CFAP44: variants seen among roughly 807,000 people sequenced by gnomAD.
CFAP44 encodes cilia- and flagella-associated protein 44.
In CFAP44, 134 loss-of-function variants were observed where a neutral mutation model predicts 216.2. The ratio of observed to expected loss-of-function variants is 0.62; its 90% CI spans 0.54 to 0.72. The LOEUF (loss-of-function observed/expected upper bound fraction) is 0.72. Among genes scored for constraint, CFAP44 ranks in the 30% least tolerant of loss-of-function variants. CFAP44 has a pLI of 0.00. For synonymous variants in CFAP44, 700 were observed against 727.6 expected, an observed-to-expected ratio of 0.96 and a Z score of 0.61; for missense variants, 2,035 against 2,182.1, an observed-to-expected ratio of 0.93 and a Z score of 1.34.
At chr3:113,325,004 T>TA (rs907853136) in intron 28 of CFAP44, among the ~76,000 whole-genome samples, 3 of 152,076 alleles carry the variant, frequency 2.0e-5, no homozygotes, top group Non-Finnish European at 4.4e-5. Context: ...CAGTATCATT[T>TA]AAAATCACTA....
Position 113,326,528 on chromosome 3 carries a change from T to C in CFAP44, c.4433A>G (p.Asn1478Ser). ...CATGAGGAAGTTTGCAAATTTATTG[T>C]TTTCTCCAATGGCTGCTTGAAAACC... is the stretch of plus-strand genomic sequence containing the variant. Reference protein sequence around the residue: ...YAGFQAAIGENNKFANFLMKV... With the variant: ...YAGFQAAIGESNKFANFLMKV... The change falls in exon 28 of 35, where the codon AAC (asparagine) becomes AGC (serine). Residue 1478 changes from asparagine (N) to serine (S), a missense_variant. Physicochemically the swap from Asn to Ser is conservative, Grantham distance 46. Around this residue, in one of 3 missense-constraint regions of CFAP44, gnomAD observed 1,883 missense variants for 2,023.7 expected, o/e 0.93. Transcript: ENST00000393845. 3 of 1,532,498 alleles carry C rather than the reference T, an allele frequency of 2.0e-6. No homozygotes were observed. Among genetic ancestry groups the C allele is most frequent in the Non-Finnish European group, 2.6e-6 (3 of 1,145,046 alleles). 94.9% of individuals were successfully genotyped at this position (1,532,498 alleles called of 1,614,324 possible). A position where few individuals can be genotyped will look rare whatever the true frequency, so the allele number is the denominator to read the frequency against.
chr3:113,339,878 G>C lies in CFAP44; in HGVS notation c.3437+1866C>G, dbSNP rs1197064818. Reference sequence around the variant, plus strand: ...AGGAAAAAAAGAAAAACAGTTTAGGGGGCAAAAAGAGGAGAGAGTCTGGGG... The same window carrying C: ...AGGAAAAAAAGAAAAACAGTTTAGGCGGCAAAAAGAGGAGAGAGTCTGGGG... On this transcript the variant is annotated intron_variant, in intron 24 of 34. Transcript: ENST00000393845. Among the ~76,000 whole-genome samples, 3 of 152,150 alleles carry C rather than the reference G, an allele frequency of 2.0e-5. No homozygotes were observed. The South Asian group carries it at 6.2e-4, about 32-fold the overall frequency.
At chr3:113,380,026 T>G (rs978365574) in intron 16 of CFAP44, among the ~76,000 whole-genome samples, 1 of 152,184 alleles carries the variant, frequency 6.6e-6, no homozygotes, top group South Asian at 2.1e-4. Flanking sequence ...TCCTAACTTA[T>G]TTTTTTAAAT....
chr3:113,411,940 GTC>G (rs1934488506), intron 6 of CFAP44, among the ~76,000 whole-genome samples: 1 of 150,730 alleles, frequency 6.6e-6, no homozygotes, highest in Non-Finnish European at 1.5e-5. Flanking sequence ...TTGGCTCTCT[GTC>G]TGTTATTGGT....
intron 3 of CFAP44, 82 bp downstream of exon 3, chr3:113,427,105 T>C: frequency 4.2e-6 from 6 of 1,435,770 alleles, no homozygotes; most frequent in Non-Finnish European, 5.8e-6. Context: ...TTTTTCTTTC[T>C]ATGGATTTAT....
rs1427307799 is a variant in CFAP44 at position 113,290,850 on chromosome 3, A to G, written c.*707T>C. ...GGAGTTGCAGAAATCTTTAAAGAAA[A>G]GCCTCTTTATTGACTGTTTTATTAA... On this transcript the variant is annotated 3_prime_UTR_variant, in exon 35 of 35. Transcript: ENST00000393845. 1 of 152,212 alleles carries G rather than the reference A, an allele frequency of 6.6e-6. No individual in the cohort carries two copies. 9.4% of individuals were successfully genotyped at this position (152,212 alleles called of 1,614,324 possible). A position where few individuals can be genotyped will look rare whatever the true frequency, so the allele number is the denominator to read the frequency against.
At chr3:113,331,468 C>G (rs1950240795) in intron 25 of CFAP44, among the ~76,000 whole-genome samples, 1 of 151,836 alleles carries the variant, frequency 6.6e-6, no homozygotes, top group Non-Finnish European at 1.5e-5. Context: ...TTTTAAAGAT[C>G]AAAAGTCACT....
intron 17 of CFAP44, among the ~76,000 whole-genome samples, chr3:113,378,117 C>G (rs1933402805): frequency 6.6e-6 from 1 of 152,132 alleles, no homozygotes; most frequent in African/African-American, 2.4e-5. Flanking sequence ...CTCAAGCAAT[C>G]TTCCCAATCT....
In CFAP44 at chr3:113,311,680, C is replaced by T. The variant is rs568721089; in HGVS notation, c.4517-3412G>A. On this transcript the variant is annotated intron_variant, in intron 28 of 34. Coordinates refer to ENST00000393845, the MANE Select transcript of CFAP44 (RefSeq NM_001164496.2). ...GAACAGATATCCAAAAATATGGAAGCGACTTTGGAACTGGGTAACAGGCAG... is the reference window on the plus strand; with the variant it reads ...GAACAGATATCCAAAAATATGGAAGTGACTTTGGAACTGGGTAACAGGCAG... 1.1e-4 allele frequency among the ~76,000 whole-genome samples: 16 copies of T among 152,176 alleles called. 1 individual carries two copies. The highest frequency in any genetic ancestry group is 3.6e-4 in the African/African-American group (15 of 41,482).
At chr3:113,346,462 T>C (rs1003692481) in intron 22 of CFAP44, among the ~76,000 whole-genome samples, 6 of 151,458 alleles carry the variant, frequency 4.0e-5, no homozygotes, top group African/African-American at 1.2e-4. Flanking sequence ...AGCTAAAGGA[T>C]TGTAAGCACA....
In CFAP44 at chr3:113,409,192, T is replaced by C. The variant is rs148954914; in HGVS notation, c.804A>G (p.Thr268=). ...NWKEEQPILR[T]KAFSQEVFKV... ...TAAAAACTTCCTGAGAAAAAGCTTT[T>C]GTCCTTAGTATGGGTTGTTCTTCTT... The change falls in exon 7 of 35, where the codon ACA becomes ACG. Residue 268 remains threonine, a synonymous_variant. Coordinates refer to ENST00000393845, the MANE Select transcript of CFAP44 (RefSeq NM_001164496.2). 1 of 1,614,120 alleles carries C rather than the reference T, an allele frequency of 6.2e-7. No individual in the cohort carries two copies. Among genetic ancestry groups the C allele is most frequent in the African/African-American group, 1.3e-5 (1 of 75,026 alleles).
chr3:113,419,614 T>C (rs1934753557), intron 5 of CFAP44, among the ~76,000 whole-genome samples: 1 of 152,312 alleles, frequency 6.6e-6, no homozygotes, highest in Admixed American at 6.5e-5. Context: ...CTACATCCTA[T>C]GTGTGTGTCT....
chr3:113,419,014 T>C (rs1167387595), intron 5 of CFAP44, among the ~76,000 whole-genome samples: 2 of 152,208 alleles, frequency 1.3e-5, no homozygotes, highest in Non-Finnish European at 2.9e-5. Flanking sequence ...AGGATTAGCA[T>C]GCTTGACCAC....
chr3:113,299,550 T>G (rs1018784602), intron 32 of CFAP44, among the ~76,000 whole-genome samples: 48 of 152,088 alleles, frequency 3.2e-4, no homozygotes, highest in Non-Finnish European at 1.5e-5. Context: ...GATCCAGCAA[T>G]CGCACTGCTA....
At chr3:113,296,450 T>C (rs1018075403) in intron 33 of CFAP44, among the ~76,000 whole-genome samples, 1 of 152,144 alleles carries the variant, frequency 6.6e-6, no homozygotes, top group African/African-American at 2.4e-5. Flanking sequence ...CAAAATGAGA[T>C]CTCTCCATAA....
chr3:113,348,781 T>A (rs904707405), intron 22 of CFAP44, among the ~76,000 whole-genome samples: 1 of 152,152 alleles, frequency 6.6e-6, no homozygotes, highest in Non-Finnish European at 1.5e-5. Context: ...TTAAAGCAGA[T>A]CAAGGCAGAC....
chr3:113,409,789 T>C (rs6780720), intron 6 of CFAP44, among the ~76,000 whole-genome samples: 5,632 of 152,320 alleles, frequency 0.037, 168 homozygotes, highest in African/African-American at 0.071. Flanking sequence ...GTGGTAAATA[T>C]GCTGGCCAAA....
intron 21 of CFAP44, 54 bp downstream of exon 21, chr3:113,363,091 T>G: frequency 6.8e-7 from 1 of 1,476,324 alleles, no homozygotes; most frequent in Non-Finnish European, 9.0e-7. Context: ...AATAGTCATC[T>G]CTATCCAGAA....
Position 113,291,671 on chromosome 3 carries a change from C to T in CFAP44, c.5451G>A (p.Ala1817=), listed in dbSNP as rs377654876. The T allele has an allele frequency of 1.5e-4, 231 of 1,537,272 alleles. No homozygotes were observed. The highest frequency in any genetic ancestry group is 1.3e-3 in the African/African-American group (98 of 73,138). The change falls in exon 35 of 35, where the codon GCG becomes GCA. Residue 1817 remains alanine, a synonymous_variant. Transcript: ENST00000393845. ...EEVTELIQLQ[A]ERISALKEEI... Reference sequence around the variant, plus strand: ...CCTCCTTTAAGGCCGAAATCCTTTCCGCCTGGAGTTGGATCAATTCAGTGA... The same window carrying T: ...CCTCCTTTAAGGCCGAAATCCTTTCTGCCTGGAGTTGGATCAATTCAGTGA...
Sources: allele counts gnomAD v4.1 joint callset (sites outside exome capture counted in the v4.1 genomes callset), GRCh38; gene constraint gnomAD v4.1.1; regional missense constraint gnomAD v4.1.1; transcripts MANE v1.5; gene names NCBI Gene and HGNC (gene_info 2026-07-23, HGNC 2026-07-21).